The following CELF2 variants were observed in gnomAD, a reference collection of about 807,000 sequenced individuals.
The protein encoded by CELF2 is CUGBP Elav-like family member 2, also known as CUG triplet repeat RNA-binding protein 2.
CELF2 carries 8 observed loss-of-function variants against 62.6 expected under a neutral mutation model. The ratio of observed to expected loss-of-function variants is 0.13; its 90% CI spans 0.07 to 0.23. CELF2 has a LOEUF of 0.23. Among genes scored for constraint, CELF2 ranks in the 10% least tolerant of loss-of-function variants. The pLI, the probability that CELF2 is intolerant of heterozygous loss-of-function variation, is 1.00. For synonymous variants in CELF2, 258 were observed against 250.0 expected (o/e 1.03, Z -0.30); for missense variants, 333 against 671.0 (o/e 0.50, Z 5.56).
chr10:10,503,647 C>T, the CELF2 span, among the ~76,000 whole-genome samples: 6 of 151,958 alleles, frequency 3.9e-5, no homozygotes, highest in Non-Finnish European at 7.4e-5. Flanking sequence ...ATCATTGGAA[C>T]ATACTTTTAA....
the CELF2 span, among the ~76,000 whole-genome samples, chr10:10,516,893 C>T: frequency 2.0e-5 from 3 of 152,146 alleles, no homozygotes; most frequent in Non-Finnish European, 2.9e-5. Flanking sequence ...CTTCATTCCC[C>T]ATGGACAAAC....
chr10:10,472,661 C>A, the CELF2 span, among the ~76,000 whole-genome samples: 1 of 151,888 alleles, frequency 6.6e-6, no homozygotes, highest in African/African-American at 2.4e-5. Flanking sequence ...TGAAGGTAAT[C>A]CACTGTCATG....
the CELF2 span, among the ~76,000 whole-genome samples, chr10:10,557,824 G>T: frequency 7.1e-6 from 1 of 140,388 alleles, no homozygotes; most frequent in African/African-American, 2.6e-5. Context: ...CTCATGATTT[G>T]GCTCTCTGTT....
intron 2 of CELF2, among the ~76,000 whole-genome samples, chr10:10,930,536 T>A (rs2065953482): frequency 6.6e-6 from 1 of 152,238 alleles, no homozygotes; most frequent in Non-Finnish European, 1.5e-5. Flanking sequence ...GTAGTGGAAC[T>A]TCTTTAAGAT....
rs138354337 is a variant in CELF2 at position 11,155,849 on chromosome 10, G to A, written c.75-9637G>A. ...ACTGCTGGCTGCCTTCCTTAGCCTG[G>A]CGTTTCATTTCAGTTGTATTCCTTG... On this transcript the variant is annotated intron_variant, in intron 1 of 12. Transcript: ENST00000633077. 6.7e-3 allele frequency among the ~76,000 whole-genome samples: 1,014 copies of A among 152,290 alleles called. 6 individuals carry two copies. Among genetic ancestry groups the A allele is most frequent in the Non-Finnish European group, 0.01 (711 of 68,030 alleles).
intron 1 of CELF2, chr10:11,030,546 C>G (rs1275434785): frequency 6.6e-6 from 1 of 152,174 alleles, no homozygotes; most frequent in African/African-American, 2.4e-5. Flanking sequence ...GGTCGCACTT[C>G]TGTTTCTTGT....
chr10:11,212,737 G>GTTTTTTTTTTT (rs11354880), intron 2 of CELF2, among the ~76,000 whole-genome samples: 1 of 91,966 alleles, frequency 1.1e-5, no homozygotes, highest in Non-Finnish European at 2.2e-5. Context: ...TGTGTTTTGG[G>GTTTTTTTTTTT]TTTTTTTTTT....
chr10:11,198,352 C>G (rs1035176044), intron 2 of CELF2, among the ~76,000 whole-genome samples: 1 of 152,194 alleles, frequency 6.6e-6, no homozygotes, highest in Non-Finnish European at 1.5e-5. Flanking sequence ...TTGTTATCTT[C>G]TGAAGGGAAA....
chr10:11,045,895 A>G (rs2062736569), intron 1 of CELF2, among the ~76,000 whole-genome samples: 1 of 152,196 alleles, frequency 6.6e-6, no homozygotes, highest in Non-Finnish European at 1.5e-5. Context: ...GACACTCACA[A>G]TACCCGTTAG....
the CELF2 span, among the ~76,000 whole-genome samples, chr10:10,666,199 T>C: frequency 6.6e-6 from 1 of 152,222 alleles, no homozygotes; most frequent in South Asian, 2.1e-4. Context: ...AACCTCTCCC[T>C]TTTCCAGATG....
chr10:10,994,162 G>A (rs1236524425), intron 2 of CELF2, among the ~76,000 whole-genome samples: 1 of 152,236 alleles, frequency 6.6e-6, no homozygotes, highest in Admixed American at 6.5e-5. Context: ...CATTGGTAAA[G>A]AAGCAATTGG....
chr10:10,897,622 A>G (rs1168849602), intron 1 of CELF2, among the ~76,000 whole-genome samples: 1 of 152,186 alleles, frequency 6.6e-6, no homozygotes, highest in Non-Finnish European at 1.5e-5. Flanking sequence ...GGACCCAAGC[A>G]ACCATCTCAG....
At chr10:10,923,975 G>A (rs1473917289) in intron 2 of CELF2, 1 of 151,970 alleles carries the variant, frequency 6.6e-6, no homozygotes, top group Non-Finnish European at 1.5e-5. Context: ...TAGGATGAAG[G>A]GTGTTGCGTT....
Position 11,333,098 on chromosome 10 carries a change from C to T in CELF2, c.*4045C>T, listed in dbSNP as rs1359894475. 1 of 152,192 alleles carries T rather than the reference C, an allele frequency of 6.6e-6. No individual in the cohort carries two copies. The highest frequency in any genetic ancestry group is 1.5e-5 in the Non-Finnish European group (1 of 68,044). 9.4% of individuals were successfully genotyped at this position (152,192 alleles called of 1,614,324 possible). A position where few individuals can be genotyped will look rare whatever the true frequency, so the allele number is the denominator to read the frequency against. On this transcript the variant is annotated 3_prime_UTR_variant, in exon 13 of 13. Transcript: ENST00000633077. ...TCCCCATCTCCCTCTCAACCTCAAC[C>T]CACCTGCATGCATCTCCCCCAGAGG... is the stretch of plus-strand genomic sequence containing the variant.
chr10:10,799,811 CTGACTGTAAA>C (rs1176905100), intron 1 of CELF2, among the ~76,000 whole-genome samples: 1 of 152,196 alleles, frequency 6.6e-6, no homozygotes, highest in Non-Finnish European at 1.5e-5. Flanking sequence ...TTGGGCTTCA[CTGACTGTAAA>C]TGGTATTTCC....
chr10:10,601,906 C>T, the CELF2 span, among the ~76,000 whole-genome samples: 556 of 151,980 alleles, frequency 3.7e-3, 1 homozygote, highest in East Asian at 9.7e-3. Flanking sequence ...CACCCCTCAG[C>T]GGGCCCCAGT....
intron 1 of CELF2, among the ~76,000 whole-genome samples, chr10:10,819,324 G>A (rs2056761876): frequency 6.6e-6 from 1 of 152,186 alleles, no homozygotes; most frequent in Admixed American, 6.5e-5. Flanking sequence ...AGTCAACTAA[G>A]GTCAGACGCA....
chr10:10,815,003 A>G (rs1034693431), intron 1 of CELF2, among the ~76,000 whole-genome samples: 3 of 152,202 alleles, frequency 2.0e-5, no homozygotes, highest in African/African-American at 7.2e-5. Flanking sequence ...ATTGCCCTTC[A>G]ATTACTAAAT....
chr10:10,496,895 A>C, the CELF2 span, among the ~76,000 whole-genome samples: 13 of 152,100 alleles, frequency 8.5e-5, no homozygotes, highest in Admixed American at 7.9e-4. Context: ...TATGTAATAA[A>C]AACAAGATGA....
Sources: gnomAD v4.1 joint callset for allele counts (sites outside exome capture counted in the v4.1 genomes callset) on GRCh38, gnomAD v4.1.1 for gene constraint, MANE v1.5 for transcripts, NCBI Gene and HGNC (gene_info 2026-07-23, HGNC 2026-07-21) for gene names.